Variants in PLXNA2 observed in about 807,000 individuals in gnomAD.
PLXNA2 encodes the protein plexin-A2.
Under a neutral mutation model 193.5 loss-of-function variants are expected in PLXNA2, and 91 were observed. The observed-to-expected ratio is 0.47, with a 90% confidence interval of 0.40 to 0.56. The LOEUF is 0.56. Ranked by LOEUF, PLXNA2 falls within the 20% of genes least tolerant of loss-of-function variation. The probability of loss-of-function intolerance (pLI) is 0.00; values close to 1 mark genes in which losing one functional copy is unlikely to be tolerated. For missense variants in PLXNA2, 1,995 were observed against 2,503.2 expected, an observed-to-expected ratio of 0.80 and a Z score of 4.33; for synonymous variants, 997 against 1,027.3, an observed-to-expected ratio of 0.97 and a Z score of 0.56.
chr1:208,127,264 T>C (rs569717901), intron 4 of PLXNA2, among the ~76,000 whole-genome samples: 3 of 48,546 alleles, frequency 6.2e-5, no homozygotes, highest in African/African-American at 1.9e-4. Flanking sequence ...GATACACATA[T>C]GTGTGCATGT....
At chr1:208,187,486 C>G (rs1167263668) in intron 3 of PLXNA2, among the ~76,000 whole-genome samples, 2 of 152,204 alleles carry the variant, frequency 1.3e-5, no homozygotes, top group Admixed American at 6.5e-5. Context: ...CCAAAGAACA[C>G]CACCTGAACA....
intron 1 of PLXNA2, among the ~76,000 whole-genome samples, chr1:208,240,416 A>G (rs1158302539): frequency 6.6e-6 from 1 of 152,174 alleles, no homozygotes; most frequent in African/African-American, 2.4e-5. Flanking sequence ...TTTAGAAATG[A>G]CCGAAAAAGA....
At chr1:208,128,548 C>T (rs1668041212) in intron 4 of PLXNA2, among the ~76,000 whole-genome samples, 1 of 152,098 alleles carries the variant, frequency 6.6e-6, no homozygotes, top group Non-Finnish European at 1.5e-5. Context: ...GTGATAGAGC[C>T]AAGATTTGAA....
rs770730534 is a variant in PLXNA2 at position 208,216,826 on chromosome 1, T to G, written c.1097A>C (p.Gln366Pro). ...GCAGGACTGCAGGCGCTCCTTGATC[T>G]GCAAGTTGATGGCCCGGATAGGGAA... ...CAFPIRAINLQIKERLQSCYQ... is the reference protein window; with the variant it reads ...CAFPIRAINLPIKERLQSCYQ... The change falls in exon 2 of 32, where the codon CAG (glutamine) becomes CCG (proline). Residue 366 changes from glutamine to proline, a missense_variant. Gln to Pro is a moderately conservative substitution (Grantham distance 76, BLOSUM62 -1). This residue lies in a region of PLXNA2 where 702 missense variants were observed against 812.9 expected (regional missense o/e 0.86). Transcript: ENST00000367033. The G allele has an allele frequency of 6.2e-7, 1 of 1,614,092 alleles. No homozygotes were observed. Among genetic ancestry groups the G allele is most frequent in the Admixed American group, 1.7e-5 (1 of 60,014 alleles).
chr1:208,137,303 A>G (rs915266615), intron 4 of PLXNA2, among the ~76,000 whole-genome samples: 2 of 152,206 alleles, frequency 1.3e-5, no homozygotes, highest in Non-Finnish European at 2.9e-5. Flanking sequence ...ATGCAAACTA[A>G]TTAAAGTATA....
intron 4 of PLXNA2, among the ~76,000 whole-genome samples, chr1:208,113,021 A>C (rs1558198708): frequency 6.6e-6 from 1 of 151,730 alleles, no homozygotes; most frequent in Non-Finnish European, 1.5e-5. Flanking sequence ...AAAAAAAAAA[A>C]AAACAGAGAT....
At chr1:208,127,135 C>A (rs1376998916) in intron 4 of PLXNA2, among the ~76,000 whole-genome samples, 1 of 152,154 alleles carries the variant, frequency 6.6e-6, no homozygotes, top group African/African-American at 2.4e-5. Flanking sequence ...TAAGGCTTGC[C>A]AATTCCAACA....
intron 4 of PLXNA2, among the ~76,000 whole-genome samples, chr1:208,138,855 C>T (rs923732213): frequency 1.3e-5 from 2 of 152,126 alleles, no homozygotes; most frequent in Non-Finnish European, 2.9e-5. Flanking sequence ...GGCAAAACCC[C>T]GGCTCTACTA....
chr1:208,221,730 T>G (rs1003533257), intron 1 of PLXNA2, among the ~76,000 whole-genome samples: 9 of 152,128 alleles, frequency 5.9e-5, no homozygotes, highest in African/African-American at 2.2e-4. Context: ...CAGAGCCCAG[T>G]GGGCAAAGAT....
At chr1:208,103,804 TC>T (rs755028960) in intron 4 of PLXNA2, among the ~76,000 whole-genome samples, 103 of 152,350 alleles carry the variant, frequency 6.8e-4, no homozygotes, top group Non-Finnish European at 1.3e-3. Flanking sequence ...AAATCTCCCA[TC>T]CTTTGAAAAG....
chr1:208,140,093 C>T (rs1668418278), intron 4 of PLXNA2, among the ~76,000 whole-genome samples: 1 of 152,122 alleles, frequency 6.6e-6, no homozygotes, highest in African/African-American at 2.4e-5. Flanking sequence ...TGCTAAACCC[C>T]TCTGTTTGGT....
intron 4 of PLXNA2, among the ~76,000 whole-genome samples, chr1:208,129,707 T>A (rs1240637284): frequency 6.6e-6 from 1 of 152,212 alleles, no homozygotes; most frequent in African/African-American, 2.4e-5. Flanking sequence ...ACAGGCTATA[T>A]TGGGTGGTGC....
chr1:208,123,411 A>T (rs1486942837), intron 4 of PLXNA2, among the ~76,000 whole-genome samples: 1 of 152,216 alleles, frequency 6.6e-6, no homozygotes, highest in African/African-American at 2.4e-5. Flanking sequence ...AGGCAGCTGG[A>T]TTCTTTCATT....
At chr1:208,150,167 A>C (rs628252) in intron 3 of PLXNA2, among the ~76,000 whole-genome samples, 146,993 of 152,262 alleles carry the variant, frequency 0.97, 71,179 homozygotes, top group East Asian at 1. Flanking sequence ...ATGTTCTAAG[A>C]TTTGAGAATT....
rs151017869 is a variant in PLXNA2 at position 208,146,460 on chromosome 1, G to A, written c.1372-3997C>T. On this transcript the variant is annotated intron_variant, in intron 3 of 31. Transcript: ENST00000367033. Reference sequence around the variant, plus strand: ...GGTTCAAACCAGCCCCAGCTGGTGGGGTCCAGAGGAAAGCACATGGCTGAG... The same window carrying A: ...GGTTCAAACCAGCCCCAGCTGGTGGAGTCCAGAGGAAAGCACATGGCTGAG... 5.9e-4 allele frequency among the ~76,000 whole-genome samples: 90 copies of A among 152,318 alleles called. 1 individual carries two copies. Among genetic ancestry groups the A allele is most frequent in the Admixed American group, 2.4e-3 (36 of 15,306 alleles).
intron 22 of PLXNA2, among the ~76,000 whole-genome samples, chr1:208,041,456 G>C (rs114976887): frequency 0.023 from 3,490 of 152,336 alleles, 61 homozygotes; most frequent in Non-Finnish European, 0.035. Context: ...TCAGATCCAG[G>C]AAGCTGAGCT....
At chr1:208,053,413 G>A (rs1164477947) in intron 14 of PLXNA2, among the ~76,000 whole-genome samples, 1 of 152,162 alleles carries the variant, frequency 6.6e-6, no homozygotes, top group Non-Finnish European at 1.5e-5. Flanking sequence ...AATGCCCACT[G>A]CCCCTGCCCT....
chr1:208,164,829 G>A (rs553777830), intron 3 of PLXNA2, among the ~76,000 whole-genome samples: 3 of 152,294 alleles, frequency 2.0e-5, no homozygotes, highest in South Asian at 2.1e-4. Flanking sequence ...TGACTCTAGC[G>A]GCACTAACGG....
intron 4 of PLXNA2, among the ~76,000 whole-genome samples, chr1:208,109,201 C>T (rs1667383111): frequency 6.6e-6 from 1 of 152,170 alleles, no homozygotes; most frequent in Non-Finnish European, 1.5e-5. Context: ...TCAACAGCCT[C>T]CTGGTCCTCA....
Sources: allele counts gnomAD v4.1 joint callset (sites outside exome capture counted in the v4.1 genomes callset), GRCh38; gene constraint gnomAD v4.1.1; regional missense constraint gnomAD v4.1.1; transcripts MANE v1.5; gene names NCBI Gene and HGNC (gene_info 2026-07-23, HGNC 2026-07-21).